Variants in OCA2 observed in about 807,000 individuals in gnomAD.
OCA2 encodes the protein P protein.
A neutral mutation model predicts 100.2 loss-of-function variants in OCA2; 77 were observed. The observed-to-expected ratio is 0.77, with a 90% confidence interval of 0.64 to 0.93. The LOEUF (loss-of-function observed/expected upper bound fraction) is 0.93, where lower values mean the gene tolerates loss of function less well. Ranked by LOEUF, OCA2 falls within the 40% of genes least tolerant of loss-of-function variation. The pLI, the probability that OCA2 is intolerant of heterozygous loss-of-function variation, is 0.00. For synonymous variants in OCA2, 432 were observed against 439.2 expected (o/e 0.98, Z 0.21); for missense variants, 1,062 against 1,089.1 (o/e 0.98, Z 0.35).
chr15:28,063,749 G>T (rs2043944988), intron 2 of OCA2, among the ~76,000 whole-genome samples: 1 of 152,068 alleles, frequency 6.6e-6, no homozygotes, highest in South Asian at 2.1e-4. Context: ...TTTACACATT[G>T]TATATCCTTT....
chr15:27,765,169 A>G (rs1316701065), intron 23 of OCA2, among the ~76,000 whole-genome samples: 1 of 152,114 alleles, frequency 6.6e-6, no homozygotes, highest in African/African-American at 2.4e-5. Flanking sequence ...CAGGCCTCCA[A>G]AAAACTATCT....
chr15:28,095,573 C>T (rs1475783589), intron 1 of OCA2, among the ~76,000 whole-genome samples: 1 of 151,880 alleles, frequency 6.6e-6, no homozygotes, highest in Non-Finnish European at 1.5e-5. Context: ...AAAAATTAGC[C>T]GGGCGTGGTG....
At chr15:27,988,919 G>A (rs1255139582) in intron 11 of OCA2, among the ~76,000 whole-genome samples, 1 of 152,196 alleles carries the variant, frequency 6.6e-6, no homozygotes, top group Non-Finnish European at 1.5e-5. Context: ...CCTTGGGAGG[G>A]ACGAAATGTT....
intron 8 of OCA2, 64 bp downstream of exon 8, chr15:28,016,040 A>G: frequency 7.7e-7 from 1 of 1,303,232 alleles, no homozygotes; most frequent in South Asian, 1.2e-5. Context: ...CCTATAGGTC[A>G]GACTCCTTTA....
At chr15:28,082,475 C>G (rs962527545) in intron 1 of OCA2, among the ~76,000 whole-genome samples, 2 of 152,202 alleles carry the variant, frequency 1.3e-5, no homozygotes, top group Admixed American at 6.5e-5. Context: ...AAGGAACCAA[C>G]TCCGGACACC....
At chr15:28,061,533 A>G (rs1044727741) in intron 2 of OCA2, among the ~76,000 whole-genome samples, 4 of 150,962 alleles carry the variant, frequency 2.6e-5, no homozygotes, top group African/African-American at 9.8e-5. Flanking sequence ...CATACACAAG[A>G]AAAAAAAATG....
intron 23 of OCA2, among the ~76,000 whole-genome samples, chr15:27,817,994 T>C (rs2034367106): frequency 2.0e-5 from 3 of 152,242 alleles, no homozygotes. Context: ...AATGTACTTC[T>C]TATTTTCTTC....
intron 19 of OCA2, among the ~76,000 whole-genome samples, chr15:27,908,202 A>C (rs1299432101): frequency 6.6e-6 from 1 of 152,216 alleles, no homozygotes; most frequent in Admixed American, 6.5e-5. Flanking sequence ...AATTCATTCC[A>C]GAATTCAAGG....
chr15:27,989,551 C>G (rs2041476167), intron 11 of OCA2, 50 bp downstream of exon 11: 3 of 1,514,516 alleles, frequency 2.0e-6, no homozygotes, highest in African/African-American at 1.4e-5. Context: ...CAGAGAAGGC[C>G]CGGTTACCGC....
chr15:27,881,900 T>C (rs1325267403), intron 19 of OCA2, among the ~76,000 whole-genome samples: 1 of 152,212 alleles, frequency 6.6e-6, no homozygotes, highest in Non-Finnish European at 1.5e-5. Flanking sequence ...GGTTATTTAT[T>C]GTCTTCTGCT....
At chr15:27,810,343 T>G (rs529886965) in intron 23 of OCA2, among the ~76,000 whole-genome samples, 1 of 152,184 alleles carries the variant, frequency 6.6e-6, no homozygotes, top group Non-Finnish European at 1.5e-5. Context: ...TCTCACCTTG[T>G]ACAAAAATCA....
At chr15:28,014,259 A>G (rs2042319521) in intron 9 of OCA2, among the ~76,000 whole-genome samples, 1 of 152,236 alleles carries the variant, frequency 6.6e-6, no homozygotes, top group Non-Finnish European at 1.5e-5. Context: ...TCCCAGAAAC[A>G]TAACATTGAC....
intron 9 of OCA2, among the ~76,000 whole-genome samples, chr15:28,012,264 C>T (rs2042264966): frequency 6.6e-6 from 1 of 152,226 alleles, no homozygotes; most frequent in South Asian, 2.1e-4. Flanking sequence ...AGAAAGACCA[C>T]ACCCTGTCAT....
At chr15:27,960,195 C>T (rs534944608) in intron 15 of OCA2, among the ~76,000 whole-genome samples, 1 of 152,214 alleles carries the variant, frequency 6.6e-6, no homozygotes. Flanking sequence ...AATGCAATTG[C>T]TCTTCCAGGT....
At chr15:27,891,803 A>C (rs2037472854) in intron 19 of OCA2, among the ~76,000 whole-genome samples, 1 of 152,222 alleles carries the variant, frequency 6.6e-6, no homozygotes, top group Admixed American at 6.5e-5. Flanking sequence ...CTTAAATGTA[A>C]ATTTTCTAAA....
intron 23 of OCA2, among the ~76,000 whole-genome samples, chr15:27,808,285 T>C (rs943156587): frequency 6.6e-6 from 1 of 152,182 alleles, no homozygotes; most frequent in Non-Finnish European, 1.5e-5. Flanking sequence ...AGCCGGAGGA[T>C]GTTAAGCTGG....
chr15:28,045,373 G>T (rs974771365), intron 2 of OCA2, among the ~76,000 whole-genome samples: 2 of 152,238 alleles, frequency 1.3e-5, no homozygotes, highest in African/African-American at 4.8e-5. Flanking sequence ...CATACAAGAA[G>T]AGTGTGCTTC....
At chr15:27,871,616 TC>T (rs1165610455) in intron 20 of OCA2, among the ~76,000 whole-genome samples, 3 of 152,192 alleles carry the variant, frequency 2.0e-5, no homozygotes, top group African/African-American at 7.2e-5. Flanking sequence ...CTGGTGTCAA[TC>T]CCACTCCTTC....
chr15:28,020,952 T>C (rs919911140), intron 6 of OCA2, among the ~76,000 whole-genome samples: 1 of 152,092 alleles, frequency 6.6e-6, no homozygotes, highest in African/African-American at 2.4e-5. Flanking sequence ...CCTGGGAAGA[T>C]GTAGTGAGAC....
Sources: gnomAD v4.1 joint callset for allele counts (sites outside exome capture counted in the v4.1 genomes callset) on GRCh38, gnomAD v4.1.1 for gene constraint, MANE v1.5 for transcripts, NCBI Gene and HGNC (gene_info 2026-07-23, HGNC 2026-07-21) for gene names.